Variants in ABCA1 observed in about 807,000 individuals in gnomAD.
ABCA1 encodes ATP binding cassette subfamily A member 1, also known as phospholipid-transporting ATPase ABCA1.
ABCA1 carries 133 observed loss-of-function variants against 262.5 expected under a neutral mutation model. That is an observed-to-expected ratio of 0.51 (90% CI 0.44 to 0.59). The LOEUF (loss-of-function observed/expected upper bound fraction) is 0.59. Ranked by LOEUF, ABCA1 falls within the 20% of genes least tolerant of loss-of-function variation. The probability of loss-of-function intolerance (pLI) is 0.00; values close to 1 mark genes in which losing one functional copy is unlikely to be tolerated. For synonymous variants in ABCA1, 1,022 were observed against 1,043.5 expected (o/e 0.98, Z 0.40); for missense variants, 2,452 against 2,777.5 (o/e 0.88, Z 2.63).
intron 11 of ABCA1, among the ~76,000 whole-genome samples, chr9:104,836,040 G>T (rs1288200156): frequency 1.3e-5 from 2 of 152,196 alleles, no homozygotes; most frequent in Non-Finnish European, 2.9e-5. Flanking sequence ...CCCTCCTTTA[G>T]AGAAGAGACC....
At chr9:104,797,772 AG>A (rs1830023166) in intron 37 of ABCA1, among the ~76,000 whole-genome samples, 1 of 152,204 alleles carries the variant, frequency 6.6e-6, no homozygotes, top group Non-Finnish European at 1.5e-5. Context: ...GTTAAATGAG[AG>A]TATGAGAGTT....
chr9:104,899,016 C>G (rs1304327821), intron 2 of ABCA1, among the ~76,000 whole-genome samples: 2 of 152,220 alleles, frequency 1.3e-5, no homozygotes, highest in African/African-American at 4.8e-5. Flanking sequence ...TCTACGAAAG[C>G]AGTACTCATG....
chr9:104,830,965 A>G lies in ABCA1; in HGVS notation c.1852T>C (p.Tyr618His). Residue 618 changes from tyrosine to histidine, a missense_variant, in exon 14 of 50, where the codon TAT becomes CAT. This residue lies in a region of ABCA1 where 1,032 missense variants were observed against 1,089.7 expected (regional missense o/e 0.95). Transcript: ENST00000374736. Reference protein sequence around the residue: ...LTGTEKKTGVYMQQMPYPCYV... With the variant: ...LTGTEKKTGVHMQQMPYPCYV... ...CAGGGATAGGGCATCTGTTGCATAT[A>G]GACACCAGTTTTCTTCTCGGTGCCC... The G allele has an allele frequency of 4.3e-6, 7 of 1,613,978 alleles. No homozygotes were observed. The highest frequency in any genetic ancestry group is 5.9e-6 in the Non-Finnish European group (7 of 1,179,982).
rs1162313514 is a variant in ABCA1 at position 104,824,443 on chromosome 9, G to C, written c.2656+22C>G. 10 of 1,613,860 alleles carry C rather than the reference G, an allele frequency of 6.2e-6. No homozygotes were observed. In the South Asian group the frequency reaches 9.9e-5, roughly 16 times the overall value. On this transcript the variant is annotated intron_variant, in intron 18 of 49. Coordinates refer to ENST00000374736, the MANE Select transcript of ABCA1 (RefSeq NM_005502.4). ...GCAGCAGCACTAGGTTAAAGAAAGA[G>C]CAGGAGGTCAACAGCACTTACTTTC... is the stretch of plus-strand genomic sequence containing the variant.
At chr9:104,925,636 T>C (rs1588608625) in intron 1 of ABCA1, among the ~76,000 whole-genome samples, 1 of 152,212 alleles carries the variant, frequency 6.6e-6, no homozygotes, top group African/African-American at 2.4e-5. Flanking sequence ...GTCCTTCTGA[T>C]TGTAAACCAA....
intron 2 of ABCA1, among the ~76,000 whole-genome samples, chr9:104,889,935 A>T (rs1839559452): frequency 6.6e-6 from 1 of 152,216 alleles, no homozygotes; most frequent in Admixed American, 6.5e-5. Context: ...TTGAACTTCT[A>T]AACAAGCATG....
intron 8 of ABCA1, among the ~76,000 whole-genome samples, chr9:104,844,929 G>C (rs927942860): frequency 1.3e-5 from 2 of 152,176 alleles, no homozygotes; most frequent in African/African-American, 4.8e-5. Flanking sequence ...AGATTACTCT[G>C]ATACATTTGT....
chr9:104,868,412 A>G (rs1305610652), intron 5 of ABCA1, among the ~76,000 whole-genome samples: 1 of 152,228 alleles, frequency 6.6e-6, no homozygotes, highest in African/African-American at 2.4e-5. Context: ...TGTGCAAACC[A>G]AAGATCAAGA....
intron 7 of ABCA1, among the ~76,000 whole-genome samples, chr9:104,857,225 C>T (rs1229642916): frequency 4.0e-5 from 6 of 151,754 alleles, no homozygotes. Flanking sequence ...ATCACTTAAG[C>T]CTGAGAGGCG....
chr9:104,919,088 A>G (rs1841994621), intron 1 of ABCA1, among the ~76,000 whole-genome samples: 1 of 152,162 alleles, frequency 6.6e-6, no homozygotes. Flanking sequence ...CTAATTTGTT[A>G]TGATCTCTCA....
intron 29 of ABCA1, among the ~76,000 whole-genome samples, chr9:104,809,822 C>G (rs377671057): frequency 6.6e-6 from 1 of 152,118 alleles, no homozygotes; most frequent in South Asian, 2.1e-4. Context: ...TATGTGTACA[C>G]ACATGTACAT....
intron 7 of ABCA1, chr9:104,855,724 A>G: frequency 6.5e-7 from 1 of 1,543,336 alleles, no homozygotes. Flanking sequence ...AATTTATCCG[A>G]CATCAATGCT....
intron 5 of ABCA1, among the ~76,000 whole-genome samples, chr9:104,866,300 C>T (rs2119124509): frequency 1.3e-5 from 2 of 152,168 alleles, no homozygotes; most frequent in East Asian, 3.9e-4. Context: ...TCTCAGTCTT[C>T]TCCCCTATGT....
At chr9:104,914,358 A>G (rs1350289022) in intron 1 of ABCA1, among the ~76,000 whole-genome samples, 1 of 151,800 alleles carries the variant, frequency 6.6e-6, no homozygotes, top group African/African-American at 2.4e-5. Context: ...GGTGCCTGTA[A>G]TCTCAGCTAC....
In ABCA1 at chr9:104,783,055, G is replaced by A. The variant is rs148609447; in HGVS notation, c.*1260C>T. ...TATTTGATTGATGAAGTGAGATTAA[G>A]AGTATCCTAAATGATCTGAAAGAAA... On this transcript the variant is annotated 3_prime_UTR_variant, in exon 50 of 50. Coordinates refer to ENST00000374736, the MANE Select transcript of ABCA1 (RefSeq NM_005502.4). 1 of 152,566 alleles carries A rather than the reference G, an allele frequency of 6.6e-6. No individual in the cohort carries two copies. Among genetic ancestry groups the A allele is most frequent in the Non-Finnish European group, 1.5e-5 (1 of 68,036 alleles). The allele number at this position is 152,566 out of a possible 1,614,324, so 9.5% of individuals were successfully genotyped here.
At chr9:104,877,941 A>AT (rs1230001145) in intron 5 of ABCA1, among the ~76,000 whole-genome samples, 1 of 152,194 alleles carries the variant, frequency 6.6e-6, no homozygotes, top group African/African-American at 2.4e-5. Flanking sequence ...CTTTAATTAT[A>AT]TTTTTCCTGT....
At chr9:104,814,577 A>C in intron 25 of ABCA1, 102 bp from the exon 26 acceptor site, 1 of 1,169,686 alleles carries the variant, frequency 8.5e-7, no homozygotes, top group Non-Finnish European at 1.3e-6. Context: ...TAGCCCCGTA[A>C]GACAGAGAAA....
chr9:104,869,785 G>A (rs899388845), intron 5 of ABCA1, among the ~76,000 whole-genome samples: 4 of 152,092 alleles, frequency 2.6e-5, no homozygotes, highest in Non-Finnish European at 2.9e-5. Flanking sequence ...AAGGCTCACC[G>A]AGGGATACCA....
chr9:104,810,810 T>C lies in ABCA1; in HGVS notation c.4165A>G (p.Thr1389Ala). Residue 1389 changes from threonine (T) to alanine (A), a missense_variant, in exon 29 of 50, where the codon ACA becomes GCA. Around this residue, in one of 4 missense-constraint regions of ABCA1, gnomAD observed 665 missense variants for 727.3 expected, o/e 0.91. Coordinates refer to ENST00000374736, the MANE Select transcript of ABCA1 (RefSeq NM_005502.4). ...LQPWMYNEQY[T>A]FVSNDAPEDT... is the part of the protein sequence containing the mutation. ...AGAAGACAAACATACCTGACAAATG[T>C]GTACTGTTCGTTGTACATCCAGGGC... 2 of 1,614,224 alleles carry C rather than the reference T, an allele frequency of 1.2e-6. No individual in the cohort carries two copies. The highest frequency in any genetic ancestry group is 1.1e-5 in the South Asian group (1 of 91,082).
Sources: allele counts gnomAD v4.1 joint callset (sites outside exome capture counted in the v4.1 genomes callset), GRCh38; gene constraint gnomAD v4.1.1; regional missense constraint gnomAD v4.1.1; transcripts MANE v1.5; gene names NCBI Gene and HGNC (gene_info 2026-07-23, HGNC 2026-07-21).